Variants in COL4A1 observed in about 807,000 individuals in gnomAD.
COL4A1 encodes collagen alpha-1(IV) chain.
In COL4A1, 40 loss-of-function variants were observed where a neutral mutation model predicts 216.6. The observed-to-expected ratio is 0.18, with a 90% CI of 0.14 to 0.24. The LOEUF (loss-of-function observed/expected upper bound fraction) is 0.24. COL4A1 is among the 10% of genes least tolerant of loss of function. The pLI is 1.00. For missense variants in COL4A1, 1,628 were observed against 2,196.8 expected (o/e 0.74, Z 5.18); for synonymous variants, 839 against 810.7 (o/e 1.03, Z -0.59).
chr13:110,265,270 T>C (rs1175040592), intron 1 of COL4A1: 1 of 152,264 alleles, frequency 6.6e-6, no homozygotes, highest in Non-Finnish European at 1.5e-5. Context: ...TTTTGGTTTA[T>C]TTTCCATATG....
rs368936701 is a variant in COL4A1, at chr13:110,212,431, A to G, written c.373T>C (p.Cys125Arg). 1.2e-6 allele frequency: 2 copies of G among 1,613,954 alleles called. No individual in the cohort carries two copies. Among genetic ancestry groups the G allele is most frequent in the African/African-American group, 1.3e-5 (1 of 75,054 alleles). ...TCTGGATTTACCTTTGTGCCATTGC[A>G]TCCTGGAATACCTGGGGGGCCTGGC... is the stretch of plus-strand genomic sequence containing the variant. ...GPPGPPGIPG[C>R]NGTKGERGPL... Residue 125 changes from cysteine to arginine, a missense_variant, in exon 6 of 52, where the codon TGC (cysteine) becomes CGC (arginine). Physicochemically the swap from Cys to Arg is radical, Grantham distance 180 (BLOSUM62 -3). Coordinates refer to ENST00000375820, the MANE Select transcript of COL4A1 (RefSeq NM_001845.6).
In COL4A1 at chr13:110,181,381, C is replaced by T. The variant is rs1878144546; in HGVS notation, c.2104G>A (p.Gly702Ser). 1.2e-6 allele frequency: 2 copies of T among 1,612,710 alleles called. No individual in the cohort carries two copies. Among genetic ancestry groups the T allele is most frequent in the Non-Finnish European group, 1.7e-6 (2 of 1,179,360 alleles). The change falls in exon 29 of 52, where the codon GGC becomes AGC. Residue 702 changes from glycine to serine, a missense_variant. Gly to Ser is a moderately conservative substitution (Grantham distance 56). Transcript: ENST00000375820. ...GGTGGCCCCATGTCTCCAGGTAAGC[C>T]GTCAACACCTGTTTTAAAGAGTCAA... The part of the protein sequence containing the change: ...PGPPGPKGVD[G>S]LPGDMGPPGT...
At chr13:110,150,541 C>T in intron 51 of COL4A1, 97 bp from the exon 52 acceptor site, 1 of 1,263,904 alleles carries the variant, frequency 7.9e-7, no homozygotes, top group East Asian at 2.5e-5. Flanking sequence ...AAGGGATCAG[C>T]CCAGCCCCTG....
rs768768429 is a variant in COL4A1, at chr13:110,187,152, G to A, written c.1714C>T (p.Pro572Ser). Residue 572 changes from proline (P) to serine (S), a missense_variant, in exon 25 of 52, where the codon CCC becomes TCC. Physicochemically the swap from Pro to Ser is moderately conservative, Grantham distance 74. Coordinates refer to ENST00000375820, the MANE Select transcript of COL4A1 (RefSeq NM_001845.6). ...GATAAACATACCGGCGAGCCCTTGG[G>A]GCCAGGAAGACCCGGATGGCCATCT... ...GRDGHPGLPG[P>S]KGSPGSVGLK... is the part of the protein sequence containing the mutation. 44 of 1,613,854 alleles carry A rather than the reference G, an allele frequency of 2.7e-5. No homozygotes were observed. The highest frequency in any genetic ancestry group is 3.6e-5 in the Non-Finnish European group (43 of 1,179,922).
At position 110,207,774 on chromosome 13, in the gene COL4A1, C is replaced by G. The variant is rs928978405; in HGVS notation, c.694-285G>C. Reference sequence around the variant, plus strand: ...CACCTGCAAGACACCTCCGGACTTGCGTGCCCCTGTATAGTGTATACTGGC... The same window carrying G: ...CACCTGCAAGACACCTCCGGACTTGGGTGCCCCTGTATAGTGTATACTGGC... On this transcript the variant is annotated intron_variant, in intron 12 of 51. Coordinates refer to ENST00000375820, the MANE Select transcript of COL4A1 (RefSeq NM_001845.6). This position sits in a 1 kb window ranked among gnomAD's most constrained non-coding sequence, Gnocchi z 4.4. Among the ~76,000 whole-genome samples the G allele has an allele frequency of 5.3e-5, 8 of 152,098 alleles. No individual in the cohort carries two copies. The highest frequency in any genetic ancestry group is 1.9e-4 in the African/African-American group (8 of 41,418).
At chr13:110,156,000 C>T (rs1002485767) in intron 49 of COL4A1, among the ~76,000 whole-genome samples, 3 of 152,202 alleles carry the variant, frequency 2.0e-5, no homozygotes, top group African/African-American at 7.2e-5. Context: ...GAGTTCAAGG[C>T]TGCAGGGAGC....
rs1879935503 is a variant in COL4A1, at chr13:110,213,787, T to C, written c.274A>G (p.Thr92Ala). Reference protein sequence around the residue: ...GEPGLPGTKGTRGPPGASGYP... With the variant: ...GEPGLPGTKGARGPPGASGYP... Reference sequence around the variant, plus strand: ...TGAGTAGCAACTGTACTCACTCTTGTCCCTTTTGTTCCAGGTAGTCCTGGT... The same window carrying C: ...TGAGTAGCAACTGTACTCACTCTTGCCCCTTTTGTTCCAGGTAGTCCTGGT... The change falls in exon 4 of 52, where the codon ACA becomes GCA. Residue 92 changes from threonine to alanine, a missense_variant. Around this residue, in one of 8 missense-constraint regions of COL4A1, gnomAD observed 150 missense variants for 211.9 expected, o/e 0.71. Transcript: ENST00000375820. The C allele has an allele frequency of 6.2e-7, 1 of 1,614,154 alleles. No individual in the cohort carries two copies. The highest frequency in any genetic ancestry group is 8.5e-7 in the Non-Finnish European group (1 of 1,179,988).
chr13:110,253,634 GTA>G lies in COL4A1; in HGVS notation c.85-10902_85-10901del, dbSNP rs1329909273. On this transcript the variant is annotated intron_variant, in intron 1 of 51. Coordinates refer to ENST00000375820, the MANE Select transcript of COL4A1 (RefSeq NM_001845.6). Reference sequence around the variant, plus strand: ...ATTACATATACTTATAATTATATATGTATGTATGTATTACATATACGTATAAT... The same window carrying G: ...ATTACATATACTTATAATTATATATGTGTATGTATTACATATACGTATAAT... Among the ~76,000 whole-genome samples, 1,070 of 138,530 alleles carry G rather than the reference GTA, an allele frequency of 7.7e-3. 34 individuals are homozygous for G. The highest frequency in any genetic ancestry group is 0.026 in the African/African-American group (1,009 of 38,244). 90.9% of individuals were successfully genotyped at this position (138,530 alleles called of 152,430 possible).
At chr13:110,175,490 T>A in intron 36 of COL4A1, 133 bp from the exon 37 acceptor site, 4 of 1,469,440 alleles carry the variant, frequency 2.7e-6, no homozygotes, top group East Asian at 4.9e-5. Context: ...AAGATTGAGA[T>A]ACAAGAATGC....
rs1380400816 is a variant in COL4A1 at position 110,291,613 on chromosome 13, G to C, written c.84+15331C>G. Among the ~76,000 whole-genome samples the C allele has an allele frequency of 3.3e-5, 5 of 152,284 alleles. No individual in the cohort carries two copies. In the South Asian group the frequency reaches 6.2e-4, roughly 19 times the overall value. ...CATGTCAAGTGCTGAAAATGCAATGGCCTTCACTAATTGTGCAGAGCCCTG... is the reference window on the plus strand; with the variant it reads ...CATGTCAAGTGCTGAAAATGCAATGCCCTTCACTAATTGTGCAGAGCCCTG... On this transcript the variant is annotated intron_variant, in intron 1 of 51. Transcript: ENST00000375820.
chr13:110,280,245 C>A (rs1393547197), intron 1 of COL4A1, among the ~76,000 whole-genome samples: 1 of 152,220 alleles, frequency 6.6e-6, no homozygotes, highest in Non-Finnish European at 1.5e-5. Context: ...CCTTAGTTTG[C>A]TGCGTGTTTG....
At chr13:110,206,538 C>T (rs1041432515) in intron 15 of COL4A1, 127 bp downstream of exon 15, 3 of 1,079,602 alleles carry the variant, frequency 2.8e-6, no homozygotes, top group South Asian at 1.3e-5. Context: ...AAAAGCCCTT[C>T]GGGGCATGAA....
At chr13:110,194,342 C>T (rs1306289188) in intron 22 of COL4A1, among the ~76,000 whole-genome samples, 1 of 152,224 alleles carries the variant, frequency 6.6e-6, no homozygotes, top group African/African-American at 2.4e-5. Flanking sequence ...ATTTGAGGGA[C>T]AGCCTCCTAT....
rs773055932 is a variant in COL4A1, at chr13:110,174,738, C to T, written c.3210G>A (p.Gly1070=). 3 of 1,613,546 alleles carry T rather than the reference C, an allele frequency of 1.9e-6. No homozygotes were observed. In the South Asian group the frequency reaches 3.3e-5, roughly 18 times the overall value. ...CAGGGCTTCCTGGGAAACCCGCTAT[C>T]CCTTGATCTCCCTGCAAGTAAAAGT... The part of the protein sequence containing the change: ...PGLRGEKGDQ[G]IAGFPGSPGE... Residue 1070 remains glycine, a synonymous_variant, in exon 38 of 52, where the codon GGG becomes GGA. Transcript: ENST00000375820.
At chr13:110,244,578 A>G (rs1313582756) in intron 1 of COL4A1, among the ~76,000 whole-genome samples, 4 of 152,192 alleles carry the variant, frequency 2.6e-5, no homozygotes, top group Non-Finnish European at 5.9e-5. Flanking sequence ...ACCTCACCAG[A>G]GGTACCTAAC....
At chr13:110,252,706 ATATGTATTATACATATAATTATAAGTATG>A (rs1387856421) in intron 1 of COL4A1, among the ~76,000 whole-genome samples, 75 of 124,140 alleles carry the variant, frequency 6.0e-4, no homozygotes, top group Non-Finnish European at 9.1e-4. Flanking sequence ...TTATATGTAT[ATATGTATTATACATATAATTATAAGTATG>A]TATGTATTAT....
chr13:110,174,797 T>C (rs1290601130), intron 37 of COL4A1, 48 bp from the exon 38 acceptor site: 1 of 1,569,046 alleles, frequency 6.4e-7, no homozygotes, highest in South Asian at 1.1e-5. Flanking sequence ...TCCATGGGCA[T>C]GCATCTGTAG....
intron 15 of COL4A1, among the ~76,000 whole-genome samples, chr13:110,206,111 A>G (rs139049853): frequency 2.6e-5 from 4 of 152,358 alleles, no homozygotes; most frequent in Admixed American, 6.5e-5. Flanking sequence ...ATATGATTGT[A>G]TCTTGGTAGC....
intron 1 of COL4A1, among the ~76,000 whole-genome samples, chr13:110,249,465 A>G (rs1006274967): frequency 3.1e-4 from 47 of 152,168 alleles, no homozygotes; most frequent in Non-Finnish European, 5.7e-4. Context: ...CGGCCACACC[A>G]GGGCAGGCCA....
Sources: allele counts gnomAD v4.1 joint callset (sites outside exome capture counted in the v4.1 genomes callset), GRCh38; gene constraint gnomAD v4.1.1; regional missense constraint gnomAD v4.1.1; non-coding constraint Gnocchi (gnomAD v3.1); transcripts MANE v1.5; gene names NCBI Gene and HGNC (gene_info 2026-07-23, HGNC 2026-07-21).